Variants in EFCAB6 observed in about 807,000 individuals in gnomAD.
EFCAB6 encodes the protein EF-hand calcium-binding domain-containing protein 6.
A neutral mutation model predicts 169.8 loss-of-function variants in EFCAB6; 156 were observed. The observed-to-expected ratio is 0.92, with a 90% confidence interval of 0.81 to 1.05. The LOEUF (loss-of-function observed/expected upper bound fraction) is 1.05, where lower values mean the gene tolerates loss of function less well. Ranked by LOEUF, EFCAB6 falls within the 50% of genes least tolerant of loss-of-function variation. The pLI, the probability that EFCAB6 is intolerant of heterozygous loss-of-function variation, is 0.00. For synonymous variants in EFCAB6, 698 were observed against 676.4 expected, an observed-to-expected ratio of 1.03 and a Z score of -0.50; for missense variants, 1,800 against 1,829.1, an observed-to-expected ratio of 0.98 and a Z score of 0.29.
At chr22:43,599,301 G>T (rs1359779307) in intron 23 of EFCAB6, among the ~76,000 whole-genome samples, 1 of 151,978 alleles carries the variant, frequency 6.6e-6, no homozygotes, top group Admixed American at 6.6e-5. Flanking sequence ...CTTGAGGTCA[G>T]GAGTTCAAGA....
At chr22:43,790,221 A>G (rs576236748) in intron 2 of EFCAB6, among the ~76,000 whole-genome samples, 24 of 152,198 alleles carry the variant, frequency 1.6e-4, no homozygotes, top group Non-Finnish European at 3.2e-4. Context: ...CTTATACCAT[A>G]AGAGCCCTAG....
chr22:43,687,647 A>G, intron 10 of EFCAB6, 66 bp from the exon 11 acceptor site: 1 of 903,460 alleles, frequency 1.1e-6, no homozygotes. Flanking sequence ...TGCATGGATT[A>G]GGTACTTAAT....
At chr22:43,532,441 C>A (rs969034521) in intron 30 of EFCAB6, among the ~76,000 whole-genome samples, 3 of 152,214 alleles carry the variant, frequency 2.0e-5, no homozygotes, top group Non-Finnish European at 4.4e-5. Flanking sequence ...CCCAGGGAGG[C>A]GGAGGAAGGA....
intron 2 of EFCAB6, among the ~76,000 whole-genome samples, chr22:43,784,348 A>G (rs997083498): frequency 1.3e-5 from 2 of 151,490 alleles, no homozygotes; most frequent in Non-Finnish European, 2.9e-5. Context: ...AAATGTTAAA[A>G]GGAATTCTTC....
At chr22:43,799,234 A>G (rs2062616760) in intron 2 of EFCAB6, among the ~76,000 whole-genome samples, 2 of 151,792 alleles carry the variant, frequency 1.3e-5, no homozygotes, top group African/African-American at 4.8e-5. Flanking sequence ...GGAGGCTGAG[A>G]TGGGAGGATC....
At chr22:43,803,243 G>A (rs185374449) in intron 2 of EFCAB6, among the ~76,000 whole-genome samples, 68 of 152,204 alleles carry the variant, frequency 4.5e-4, no homozygotes, top group African/African-American at 1.5e-3. Context: ...AAAGAGCAGC[G>A]GTTCTCTTTC....
Position 43,711,482 on chromosome 22 carries a change from T to G in EFCAB6, c.1024A>C (p.Met342Leu). Residue 342 changes from methionine (M) to leucine (L), a missense_variant, in exon 10 of 32, where the codon ATG (methionine) becomes CTG (leucine). By Grantham distance (15) the Met-to-Leu change is conservative. Transcript: ENST00000262726. ...QIPRRIFIQL[M>L]KRFGLKATTK... Reference sequence around the variant, plus strand: ...AAACAATGAGACTCTTACCTTTTCATTAACTGGATAAAAATTCTTCTTGGT... The same window carrying G: ...AAACAATGAGACTCTTACCTTTTCAGTAACTGGATAAAAATTCTTCTTGGT... 6.3e-7 allele frequency: 1 copy of G among 1,579,998 alleles called. No individual in the cohort carries two copies. The highest frequency in any genetic ancestry group is 1.4e-5 in the African/African-American group (1 of 72,758).
intron 6 of EFCAB6, among the ~76,000 whole-genome samples, chr22:43,745,741 C>T (rs923388457): frequency 2.0e-5 from 3 of 152,244 alleles, no homozygotes; most frequent in Admixed American, 6.5e-5. Flanking sequence ...TGCTCATTTT[C>T]CTTATTATTC....
chr22:43,643,227 T>A (rs896252600), intron 17 of EFCAB6, among the ~76,000 whole-genome samples: 9 of 152,244 alleles, frequency 5.9e-5, no homozygotes, highest in African/African-American at 1.7e-4. Flanking sequence ...CAACTCCATG[T>A]TCTAAATGAG....
At chr22:43,629,093 G>A (rs903858358) in intron 19 of EFCAB6, among the ~76,000 whole-genome samples, 3 of 152,170 alleles carry the variant, frequency 2.0e-5, no homozygotes, top group African/African-American at 7.2e-5. Flanking sequence ...AGCAAATCAT[G>A]GCAATCCAGC....
chr22:43,690,718 G>A (rs983593319), intron 10 of EFCAB6, among the ~76,000 whole-genome samples: 4 of 151,548 alleles, frequency 2.6e-5, no homozygotes, highest in South Asian at 2.1e-4. Context: ...TGGTCTCTCC[G>A]TTCTTCCAAA....
At chr22:43,729,860 C>T (rs1032756968) in intron 8 of EFCAB6, among the ~76,000 whole-genome samples, 1 of 152,118 alleles carries the variant, frequency 6.6e-6, no homozygotes, top group Non-Finnish European at 1.5e-5. Context: ...AGATCTAAGA[C>T]AATCACTGTG....
At chr22:43,747,225 T>C (rs894902217) in intron 6 of EFCAB6, among the ~76,000 whole-genome samples, 1 of 152,220 alleles carries the variant, frequency 6.6e-6, no homozygotes, top group Non-Finnish European at 1.5e-5. Flanking sequence ...TTTCCCAAAA[T>C]GGCGTTCCTC....
chr22:43,538,883 A>G (rs2047537409), intron 28 of EFCAB6, among the ~76,000 whole-genome samples: 1 of 152,082 alleles, frequency 6.6e-6, no homozygotes, highest in East Asian at 2.0e-4. Flanking sequence ...ACAGTTCTGG[A>G]GGTCCAAAGT....
intron 17 of EFCAB6, among the ~76,000 whole-genome samples, chr22:43,653,098 A>G (rs2056558411): frequency 6.6e-6 from 1 of 152,190 alleles, no homozygotes; most frequent in Non-Finnish European, 1.5e-5. Context: ...GAAGAGAGGC[A>G]TGTGGGATCC....
Position 43,635,208 on chromosome 22 carries a change from T to C in EFCAB6, c.1992A>G (p.Glu664=). 6.2e-7 allele frequency: 1 copy of C among 1,613,878 alleles called. No homozygotes were observed. The highest frequency in any genetic ancestry group is 8.5e-7 in the Non-Finnish European group (1 of 1,179,788). ...INVHDFKKVL[E]DTGMPMDDDQ... ...CATCGTCCATGGGCATCCCAGTGTCTTCCAGTACCTGACGAGGGAGACAGG... is the reference window on the plus strand; with the variant it reads ...CATCGTCCATGGGCATCCCAGTGTCCTCCAGTACCTGACGAGGGAGACAGG... The change falls in exon 18 of 32, where the codon GAA becomes GAG. Residue 664 remains glutamate (E), a synonymous_variant. Coordinates refer to ENST00000262726, the MANE Select transcript of EFCAB6 (RefSeq NM_022785.4).
chr22:43,608,655 G>T, intron 21 of EFCAB6, 55 bp from the exon 22 acceptor site: 2 of 1,538,306 alleles, frequency 1.3e-6, no homozygotes, highest in Non-Finnish European at 1.8e-6. Flanking sequence ...TATGACAGCA[G>T]AAAAGATGTT....
rs909843294 is a variant in EFCAB6 at position 43,694,604 on chromosome 22, G to A, written c.1032-7023C>T. ...GGTAACATATGAAAAGTATAATAAT[G>A]TATTATCACTAAGTGAGGTTTACTC... On this transcript the variant is annotated intron_variant, in intron 10 of 31. Coordinates refer to ENST00000262726, the MANE Select transcript of EFCAB6 (RefSeq NM_022785.4). Among the ~76,000 whole-genome samples the A allele has an allele frequency of 3.3e-5, 5 of 151,974 alleles. 1 individual carries two copies. The highest frequency in any genetic ancestry group is 1.2e-4 in the African/African-American group (5 of 41,430).
intron 2 of EFCAB6, chr22:43,802,461 G>A (rs2062758551): frequency 4.4e-6 from 1 of 229,196 alleles, no homozygotes; most frequent in Non-Finnish European, 8.7e-6. Context: ...AACCCAGGAG[G>A]CAGAGGTTGC....
Sources: gnomAD v4.1 joint callset for allele counts (sites outside exome capture counted in the v4.1 genomes callset) on GRCh38, gnomAD v4.1.1 for gene constraint, MANE v1.5 for transcripts, NCBI Gene and HGNC (gene_info 2026-07-23, HGNC 2026-07-21) for gene names.